Variants in POMGNT1 observed in about 807,000 individuals in gnomAD.
POMGNT1 encodes the protein protein O-linked-mannose beta-1,2-N-acetylglucosaminyltransferase 1.
A neutral mutation model predicts 95.6 loss-of-function variants in POMGNT1; 67 were observed. The observed-to-expected ratio is 0.70, with a 90% CI of 0.58 to 0.86. The LOEUF (loss-of-function observed/expected upper bound fraction) is 0.86. Among genes scored for constraint, POMGNT1 ranks in the 40% least tolerant of loss-of-function variants. POMGNT1 has a pLI of 0.00. For missense variants in POMGNT1, 719 were observed against 855.2 expected (o/e 0.84, Z 1.99); for synonymous variants, 298 against 317.9 (o/e 0.94, Z 0.66).
In POMGNT1 at chr1:46,197,842, A is replaced by G. The variant is rs766742588; in HGVS notation, c.-21T>C. ...TCCATACCGGATTGGCGGGTCACCA[A>G]TGTCCTGGCCAGCCCATGACTTCAG... On this transcript the variant is annotated 5_prime_UTR_variant, in exon 2 of 22. Coordinates refer to ENST00000371984, the MANE Select transcript of POMGNT1 (RefSeq NM_017739.4). 3 of 1,613,454 alleles carry G rather than the reference A, an allele frequency of 1.9e-6. No homozygotes were observed. The highest frequency in any genetic ancestry group is 2.2e-5 in the South Asian group (2 of 91,054).
At position 46,195,846 on chromosome 1, in the gene POMGNT1, C is replaced by T. The variant is rs1360489081; in HGVS notation, c.499G>A (p.Val167Ile). 1.2e-6 allele frequency: 2 copies of T among 1,610,894 alleles called. No individual in the cohort carries two copies. Among genetic ancestry groups the T allele is most frequent in the East Asian group, 2.2e-5 (1 of 44,840 alleles). Residue 167 changes from valine to isoleucine, a missense_variant, in exon 6 of 22, where the codon GTA becomes ATA. By Grantham distance (29) the Val-to-Ile change is conservative. This residue lies in a region of POMGNT1 where 466 missense variants were observed against 517.4 expected (regional missense o/e 0.90). Transcript: ENST00000371984. ...CAGATGAGCACTCGGCCGGGCGCTA[C>T]CATGTTGAGGAATAGCACCATGGCC... is the stretch of plus-strand genomic sequence containing the variant. ...DEAMVLFLNM[V>I]APGRVLICTV...
intron 1 of POMGNT1, among the ~76,000 whole-genome samples, chr1:46,215,285 A>T (rs866208658): frequency 9.9e-5 from 15 of 152,082 alleles, no homozygotes; most frequent in Admixed American, 8.5e-4. Flanking sequence ...AACATAGAGG[A>T]TCATCAGTTC....
intron 17 of POMGNT1, 180 bp downstream of exon 17, chr1:46,191,918 G>A: frequency 1.0e-6 from 1 of 1,004,792 alleles, no homozygotes; most frequent in South Asian, 1.5e-5. Flanking sequence ...ACAGGCGTGA[G>A]CCACCGCGCC....
chr1:46,209,182 G>A (rs984753960), intron 1 of POMGNT1, among the ~76,000 whole-genome samples: 1 of 152,030 alleles, frequency 6.6e-6, no homozygotes, highest in African/African-American at 2.4e-5. Context: ...GTGACACCAT[G>A]CCCAGCTAAT....
intron 17 of POMGNT1, chr1:46,191,836 A>C: frequency 2.4e-6 from 1 of 411,258 alleles, no homozygotes; most frequent in South Asian, 2.1e-5. Context: ...GGGTTTCACC[A>C]TGTTAGCCAG....
chr1:46,203,393 C>T, upstream of POMGNT1: 1 of 1,432,468 alleles, frequency 7.0e-7, no homozygotes. Flanking sequence ...TCCCCGGCGT[C>T]CGGTCGCCCA....
rs1299228802 is a variant in POMGNT1 at position 46,194,319 on chromosome 1, T to C, written c.834A>G (p.Val278=). 4.3e-6 allele frequency: 7 copies of C among 1,614,082 alleles called. No homozygotes were observed. Among genetic ancestry groups the C allele is most frequent in the Non-Finnish European group, 5.9e-6 (7 of 1,180,044 alleles). ...FCSKVEGYGS[V]CSCKDPTPIE... ...TGGGTGTGGGGTCCTTGCAGCTGCA[T>C]ACACTTCCATAGCCCTCAACTTTGC... Residue 278 remains valine, a synonymous_variant, in exon 9 of 22, where the codon GTA becomes GTG. Transcript: ENST00000371984.
chr1:46,190,593 G>A (rs1299304332), intron 18 of POMGNT1, 76 bp from the exon 19 acceptor site: 2 of 1,533,114 alleles, frequency 1.3e-6, no homozygotes, highest in Non-Finnish European at 1.8e-6. Context: ...GCAGGGCAAG[G>A]GGTCACATGG....
intron 1 of POMGNT1, among the ~76,000 whole-genome samples, chr1:46,211,951 G>A (rs576912772): frequency 8.6e-5 from 13 of 151,956 alleles, no homozygotes; most frequent in African/African-American, 3.1e-4. Context: ...TATTAGAGAC[G>A]GGGTTTCACC....
rs975706637 is a variant in POMGNT1 at position 46,194,966 on chromosome 1, G to A, written c.535-5C>T. On this transcript the variant is annotated splice_polypyrimidine_tract_variant and splice_region_variant and intron_variant, in intron 6 of 21. Transcript: ENST00000371984. ...GAGGTGGAAGGAGCCCTCATCCTGG[G>A]GGACCAGAGAAGGCAGTTAGCCTGA... 3.7e-6 allele frequency: 6 copies of A among 1,613,848 alleles called. No homozygotes were observed. The African/African-American group carries it at 6.7e-5, about 18-fold the overall frequency.
chr1:46,197,825 G>C lies in POMGNT1; in HGVS notation c.-4C>G. On this transcript the variant is annotated 5_prime_UTR_variant, in exon 2 of 22. Transcript: ENST00000371984. ...GGCTGGGCTTCCAGTCGTCCATACCGGATTGGCGGGTCACCAATGTCCTGG... is the reference window on the plus strand; with the variant it reads ...GGCTGGGCTTCCAGTCGTCCATACCCGATTGGCGGGTCACCAATGTCCTGG... 2 of 1,613,886 alleles carry C rather than the reference G, an allele frequency of 1.2e-6. No individual in the cohort carries two copies. The highest frequency in any genetic ancestry group is 1.7e-6 in the Non-Finnish European group (2 of 1,180,014).
intron 17 of POMGNT1, chr1:46,191,735 C>T (rs910807023): frequency 3.5e-5 from 12 of 346,678 alleles, no homozygotes; most frequent in African/African-American, 2.1e-4. Context: ...CCTGGGTTCA[C>T]GCCATTCTCC....
At chr1:46,203,100 T>A (rs1291211345), upstream of POMGNT1, among the ~76,000 whole-genome samples, 1 of 151,972 alleles carries the variant, frequency 6.6e-6, no homozygotes, top group East Asian at 1.9e-4. Context: ...TCTGCAAACA[T>A]GTATTGGGCG....
Position 46,197,189 on chromosome 1 carries a change from G to C in POMGNT1, c.121-105C>G. 3.1e-6 allele frequency: 5 copies of C among 1,602,896 alleles called. No individual in the cohort carries two copies. In the South Asian group the frequency reaches 4.4e-5, roughly 14 times the overall value. On this transcript the variant is annotated intron_variant, in intron 2 of 21. Transcript: ENST00000371984. ...TGCAGTGAAGACATCCAGAGAAACT[G>C]GGTCCTGTCCCTTCCTCTGTCTGCC...
chr1:46,217,672 C>A (rs1055201927), intron 1 of POMGNT1, among the ~76,000 whole-genome samples: 2 of 152,042 alleles, frequency 1.3e-5, no homozygotes, highest in Non-Finnish European at 2.9e-5. Flanking sequence ...GCCTGGCTAA[C>A]CTGGTGATGC....
At chr1:46,195,469 T>A (rs927209215) in intron 6 of POMGNT1, 1 of 388,264 alleles carries the variant, frequency 2.6e-6, no homozygotes, top group African/African-American at 2.1e-5. Flanking sequence ...CATTATCCCC[T>A]GCTTTATTTT....
At chr1:46,206,512 G>T (rs1223520242) in intron 1 of POMGNT1, among the ~76,000 whole-genome samples, 1 of 152,070 alleles carries the variant, frequency 6.6e-6, no homozygotes, top group African/African-American at 2.4e-5. Flanking sequence ...AAGGAGAATT[G>T]GGTTTGGAGT....
At chr1:46,197,445 G>A (rs1376538074) in intron 2 of POMGNT1, 2 of 1,492,274 alleles carry the variant, frequency 1.3e-6, no homozygotes, top group African/African-American at 2.8e-5. Flanking sequence ...CCTCACAGGG[G>A]TGTGCCTCTC....
In POMGNT1 at chr1:46,189,221, C is replaced by T. The variant is rs1344570064; in HGVS notation, c.*49G>A. The T allele has an allele frequency of 8.2e-6, 13 of 1,577,566 alleles. No individual in the cohort carries two copies. The highest frequency in any genetic ancestry group is 1.4e-5 in the African/African-American group (1 of 73,090). Reference sequence around the variant, plus strand: ...CTACAGGATGGAGGGAAGGGCTAGCCAGCCTGGGGGTACACAGTACCCAGC... The same window carrying T: ...CTACAGGATGGAGGGAAGGGCTAGCTAGCCTGGGGGTACACAGTACCCAGC... On this transcript the variant is annotated 3_prime_UTR_variant, in exon 22 of 22. Transcript: ENST00000371984.
Sources: allele counts gnomAD v4.1 joint callset (sites outside exome capture counted in the v4.1 genomes callset), GRCh38; gene constraint gnomAD v4.1.1; regional missense constraint gnomAD v4.1.1; transcripts MANE v1.5; gene names NCBI Gene and HGNC (gene_info 2026-07-23, HGNC 2026-07-21).